The following CPNE8 variants were observed in gnomAD, a reference collection of about 807,000 sequenced individuals.
The protein encoded by CPNE8 is copine-8.
Under a neutral mutation model 81.5 loss-of-function variants are expected in CPNE8, and 45 were observed. The ratio of observed to expected loss-of-function variants is 0.55; its 90% CI spans 0.44 to 0.71. The LOEUF (loss-of-function observed/expected upper bound fraction) is 0.71. Among genes scored for constraint, CPNE8 ranks in the 30% least tolerant of loss-of-function variants. The pLI is 0.00. For synonymous variants in CPNE8, 252 were observed against 226.3 expected, an observed-to-expected ratio of 1.11 and a Z score of -1.02; for missense variants, 594 against 672.1, an observed-to-expected ratio of 0.88 and a Z score of 1.28.
At position 38,777,533 on chromosome 12, in the gene CPNE8, G is replaced by A. The variant is rs138727884; in HGVS notation, c.408-1232C>T. Among the ~76,000 whole-genome samples, 1,274 of 152,206 alleles carry A rather than the reference G, an allele frequency of 8.4e-3. 11 individuals carry two copies. Among genetic ancestry groups the A allele is most frequent in the Non-Finnish European group, 0.013 (900 of 68,006 alleles). Reference sequence around the variant, plus strand: ...TTTATAAAGCCTACAGTAGTATAATGTCTCAGGGCCTCACATTCACTCACC... The same window carrying A: ...TTTATAAAGCCTACAGTAGTATAATATCTCAGGGCCTCACATTCACTCACC... On this transcript the variant is annotated intron_variant, in intron 6 of 19. Transcript: ENST00000331366.
chr12:38,770,703 C>G (rs1271702069), intron 7 of CPNE8, among the ~76,000 whole-genome samples: 3 of 152,176 alleles, frequency 2.0e-5, no homozygotes, highest in Non-Finnish European at 4.4e-5. Context: ...TCACCCCTGG[C>G]CATCTCACAT....
At chr12:38,806,817 C>T (rs567722757) in intron 6 of CPNE8, among the ~76,000 whole-genome samples, 11 of 149,638 alleles carry the variant, frequency 7.4e-5, no homozygotes, top group African/African-American at 2.4e-4. Context: ...CAAATTGTCC[C>T]TGTTTGCAGA....
chr12:38,773,256 G>C (rs758224124), intron 7 of CPNE8, among the ~76,000 whole-genome samples: 4 of 152,004 alleles, frequency 2.6e-5, no homozygotes, highest in Admixed American at 6.6e-5. Context: ...TAGTACCTAT[G>C]GTTAACAATA....
intron 13 of CPNE8, among the ~76,000 whole-genome samples, chr12:38,719,404 G>C (rs61939870): frequency 0.055 from 8,386 of 152,084 alleles, 332 homozygotes; most frequent in Non-Finnish European, 0.083. Flanking sequence ...AGGAGTTCAA[G>C]ACCAGCATGG....
At chr12:38,867,509 G>A (rs1161009038) in intron 3 of CPNE8, among the ~76,000 whole-genome samples, 3 of 152,144 alleles carry the variant, frequency 2.0e-5, no homozygotes, top group East Asian at 3.9e-4. Flanking sequence ...AAGCAGACTT[G>A]TTTGCCTCTA....
chr12:38,712,443 G>A (rs12425524), intron 13 of CPNE8, among the ~76,000 whole-genome samples: 2,520 of 152,110 alleles, frequency 0.017, 37 homozygotes, highest in Middle Eastern at 0.027. Flanking sequence ...ACACTCCTGG[G>A]CTCAAAAGAT....
In CPNE8 at chr12:38,704,832, A is replaced by G. The variant is rs920712883; in HGVS notation, c.915-1911T>C. 4.9e-4 allele frequency among the ~76,000 whole-genome samples: 36 copies of G among 74,194 alleles called. 1 individual carries two copies. The highest frequency in any genetic ancestry group is 1.1e-3 in the African/African-American group (33 of 29,498). The allele number at this position is 74,194 out of a possible 152,430, so 48.7% of individuals were successfully genotyped here. A position where few individuals can be genotyped will look rare whatever the true frequency, so the allele number is the denominator to read the frequency against. On this transcript the variant is annotated intron_variant, in intron 13 of 19. Transcript: ENST00000331366. The stretch of plus-strand genomic sequence containing the variant: ...TCTGTGTGTGTATGTATGTGTATAT[A>G]TATATATATATATATATATATATAT...
At chr12:38,676,191 T>G (rs1939285668) in intron 17 of CPNE8, 1 of 574,994 alleles carries the variant, frequency 1.7e-6, no homozygotes, top group Non-Finnish European at 2.2e-6. Flanking sequence ...TAATATTTTT[T>G]CACAGATGTT....
intron 6 of CPNE8, among the ~76,000 whole-genome samples, chr12:38,785,803 A>G (rs1437599637): frequency 1.3e-5 from 2 of 152,080 alleles, no homozygotes; most frequent in African/African-American, 2.4e-5. Context: ...CTTTTTGCTT[A>G]CTTCCTTGTT....
In CPNE8 at chr12:38,653,841, C is replaced by A; in HGVS notation, c.*41G>T. The A allele has an allele frequency of 6.3e-7, 1 of 1,596,932 alleles. No individual in the cohort carries two copies. The highest frequency in any genetic ancestry group is 1.3e-5 in the African/African-American group (1 of 74,194). ...CACCAGGCACAAAGCATTAACTCAGCACTTTTGATTTGTAGTTGACATTAG... is the reference window on the plus strand; with the variant it reads ...CACCAGGCACAAAGCATTAACTCAGAACTTTTGATTTGTAGTTGACATTAG... On this transcript the variant is annotated 3_prime_UTR_variant, in exon 20 of 20. Coordinates refer to ENST00000331366, the MANE Select transcript of CPNE8 (RefSeq NM_153634.3).
chr12:38,817,268 G>A (rs1943041421), intron 6 of CPNE8, among the ~76,000 whole-genome samples: 1 of 151,888 alleles, frequency 6.6e-6, no homozygotes, highest in Non-Finnish European at 1.5e-5. Flanking sequence ...TCCAAATAAG[G>A]GGAAAAAAAC....
intron 13 of CPNE8, among the ~76,000 whole-genome samples, chr12:38,707,388 A>C (rs1940133892): frequency 6.6e-6 from 1 of 152,122 alleles, no homozygotes; most frequent in Admixed American, 6.6e-5. Context: ...AAACTAAATT[A>C]TGAAACCATG....
intron 6 of CPNE8, among the ~76,000 whole-genome samples, chr12:38,805,981 G>A (rs376407364): frequency 3.3e-5 from 5 of 150,166 alleles, no homozygotes; most frequent in Admixed American, 6.6e-5. Context: ...ACACCTCTAC[G>A]CAAATAAACT....
chr12:38,770,711 C>T (rs1941783679), intron 7 of CPNE8, among the ~76,000 whole-genome samples: 1 of 152,166 alleles, frequency 6.6e-6, no homozygotes, highest in Admixed American at 6.5e-5. Flanking sequence ...GGCCATCTCA[C>T]ATCGGACCCA....
At chr12:38,674,261 G>T (rs1939240026) in intron 18 of CPNE8, among the ~76,000 whole-genome samples, 1 of 152,094 alleles carries the variant, frequency 6.6e-6, no homozygotes, top group Non-Finnish European at 1.5e-5. Context: ...TTGCATTTAT[G>T]AATCAGGTGT....
intron 13 of CPNE8, among the ~76,000 whole-genome samples, chr12:38,713,387 T>C (rs942159781): frequency 3.3e-5 from 5 of 152,144 alleles, no homozygotes; most frequent in South Asian, 2.1e-4. Flanking sequence ...AACGAAGATA[T>C]AGAGTTCAGC....
At chr12:38,793,483 T>G (rs1020972409) in intron 6 of CPNE8, among the ~76,000 whole-genome samples, 19 of 151,782 alleles carry the variant, frequency 1.3e-4, no homozygotes, top group Admixed American at 1.2e-3. Flanking sequence ...AGCATTAAAA[T>G]GAACAAAATA....
intron 2 of CPNE8, 110 bp from the exon 3 acceptor site, chr12:38,873,160 C>T: frequency 3.0e-6 from 2 of 655,796 alleles, no homozygotes; most frequent in South Asian, 1.9e-5. Context: ...AATTAAATGC[C>T]TAATTCCTAG....
At chr12:38,753,135 A>C (rs1366482073) in intron 10 of CPNE8, among the ~76,000 whole-genome samples, 1 of 152,180 alleles carries the variant, frequency 6.6e-6, no homozygotes, top group South Asian at 2.1e-4. Context: ...GTATTGATGG[A>C]GGACTGAGTG....
Sources: gnomAD v4.1 joint callset for allele counts (sites outside exome capture counted in the v4.1 genomes callset) on GRCh38, gnomAD v4.1.1 for gene constraint, MANE v1.5 for transcripts, NCBI Gene and HGNC (gene_info 2026-07-23, HGNC 2026-07-21) for gene names.